The following ZNF385D variants were observed in gnomAD, a reference collection of about 807,000 sequenced individuals.
ZNF385D encodes zinc finger protein 385D.
Under a neutral mutation model 35.8 loss-of-function variants are expected in ZNF385D, and 15 were observed. The observed-to-expected ratio is 0.42, with a 90% CI of 0.28 to 0.64. The LOEUF is 0.64. Ranked by LOEUF, ZNF385D falls within the 30% of genes least tolerant of loss-of-function variation. The probability of loss-of-function intolerance (pLI) is 0.23; values close to 1 mark genes in which losing one functional copy is unlikely to be tolerated. For synonymous variants in ZNF385D, 212 were observed against 186.8 expected, an observed-to-expected ratio of 1.13 and a Z score of -1.10; for missense variants, 474 against 494.6, an observed-to-expected ratio of 0.96 and a Z score of 0.39.
At chr3:21,753,420 G>T (rs1427982709), upstream of ZNF385D, among the ~76,000 whole-genome samples, 1 of 152,126 alleles carries the variant, frequency 6.6e-6, no homozygotes, top group East Asian at 1.9e-4. Context: ...AAATACATCA[G>T]CAGGGAGCAT....
intron 4 of ZNF385D, among the ~76,000 whole-genome samples, chr3:21,459,169 C>T (rs1165182103): frequency 2.6e-5 from 4 of 152,122 alleles, no homozygotes; most frequent in Non-Finnish European, 4.4e-5. Flanking sequence ...TATTTAAGTG[C>T]TTTTGGGCTA....
intron 3 of ZNF385D, among the ~76,000 whole-genome samples, chr3:22,159,465 A>G (rs1705804870): frequency 6.6e-6 from 1 of 152,048 alleles, no homozygotes; most frequent in South Asian, 2.1e-4. Flanking sequence ...TATCAGGCTC[A>G]GGTTGTAAAA....
chr3:21,659,902 C>G (rs761362626), intron 2 of ZNF385D, among the ~76,000 whole-genome samples: 1 of 152,104 alleles, frequency 6.6e-6, no homozygotes, highest in Non-Finnish European at 1.5e-5. Context: ...ACTTTTGATT[C>G]AGAATCTGTA....
In ZNF385D at chr3:22,268,338, T is replaced by G. The variant is rs560107937; in HGVS notation, c.107-99303A>C. The stretch of plus-strand genomic sequence containing the variant: ...TATAATTGCAATAAATGTACTTTCT[T>G]TTCTTCCATAATGTTTAATTATAAA... On this transcript the variant is annotated intron_variant, in intron 2 of 5. Transcript: ENST00000494108. Among the ~76,000 whole-genome samples, 6 of 152,160 alleles carry G rather than the reference T, an allele frequency of 3.9e-5. 1 individual carries two copies. Among genetic ancestry groups the G allele is most frequent in the African/African-American group, 1.4e-4 (6 of 41,566 alleles).
intron 2 of ZNF385D, among the ~76,000 whole-genome samples, chr3:22,219,843 G>A (rs866945441): frequency 3.9e-5 from 6 of 152,042 alleles, no homozygotes; most frequent in African/African-American, 1.2e-4. Flanking sequence ...AGAATTTTCC[G>A]GTTTCAGAGA....
chr3:22,287,905 TA>T (rs1299956348), intron 2 of ZNF385D, among the ~76,000 whole-genome samples: 12 of 152,066 alleles, frequency 7.9e-5, no homozygotes, highest in African/African-American at 2.9e-4. Flanking sequence ...ATTCAGCTTG[TA>T]AAAATTTTGT....
chr3:21,717,823 T>C (rs1385638265), intron 1 of ZNF385D, among the ~76,000 whole-genome samples: 2 of 152,222 alleles, frequency 1.3e-5, no homozygotes, highest in Non-Finnish European at 2.9e-5. Flanking sequence ...CATGTGGAAC[T>C]GTGAGTCCAT....
chr3:22,210,340 G>A (rs944281410), intron 2 of ZNF385D, among the ~76,000 whole-genome samples: 4 of 151,756 alleles, frequency 2.6e-5, no homozygotes, highest in Non-Finnish European at 5.9e-5. Context: ...TTTGAATGGT[G>A]GTTCTATACT....
In ZNF385D at chr3:22,241,239, G is replaced by T. The variant is rs535821626; in HGVS notation, c.107-72204C>A. Among the ~76,000 whole-genome samples the T allele has an allele frequency of 2.6e-5, 4 of 151,248 alleles. 1 individual carries two copies. In the South Asian group the frequency reaches 8.6e-4, roughly 33 times the overall value. On this transcript the variant is annotated intron_variant, in intron 2 of 5. Coordinates refer to the ZNF385D transcript ENST00000494108. ...CTTCTGAAAAACCAAGCACAACACT[G>T]AAAGAAAGCTGAGTATGGTGAGGAA...
intron 3 of ZNF385D, among the ~76,000 whole-genome samples, chr3:21,764,172 G>T (rs995055786): frequency 2.0e-5 from 3 of 152,168 alleles, no homozygotes; most frequent in Admixed American, 6.6e-5. Flanking sequence ...GATAAGGGAA[G>T]AGTATTCTGG....
rs1029638138 is a variant in ZNF385D at position 21,691,156 on chromosome 3, G to A, written c.23-26128C>T. Among the ~76,000 whole-genome samples the A allele has an allele frequency of 5.3e-5, 8 of 151,974 alleles. 1 individual carries two copies. In the East Asian group the frequency reaches 7.7e-4, roughly 15 times the overall value. ...TCCCTCAACTCTTTAACTTTTGACCGCAGCTGTCTTGCCAATGCCATACCG... is the reference window on the plus strand; with the variant it reads ...TCCCTCAACTCTTTAACTTTTGACCACAGCTGTCTTGCCAATGCCATACCG... On this transcript the variant is annotated intron_variant, in intron 1 of 7. Coordinates refer to ENST00000281523, the MANE Select transcript of ZNF385D (RefSeq NM_024697.3).
intron 3 of ZNF385D, among the ~76,000 whole-genome samples, chr3:21,806,399 G>A (rs146259269): frequency 0.074 from 11,304 of 151,932 alleles, 567 homozygotes; most frequent in Non-Finnish European, 0.1. Flanking sequence ...TAGAGACGGG[G>A]TTTCACCGTG....
chr3:21,949,438 G>C (rs2931212), intron 3 of ZNF385D, among the ~76,000 whole-genome samples: 148,720 of 152,058 alleles, frequency 0.98, 72,752 homozygotes, highest in East Asian at 1. Context: ...TGGAGTGTAG[G>C]TGTATTTGAA....
chr3:22,079,295 A>G (rs1700622611), intron 3 of ZNF385D, among the ~76,000 whole-genome samples: 2 of 152,032 alleles, frequency 1.3e-5, no homozygotes, highest in African/African-American at 2.4e-5. Context: ...TGCTTTGTAA[A>G]TAAGCCTTCA....
chr3:21,903,131 G>C (rs1360963926), intron 3 of ZNF385D, among the ~76,000 whole-genome samples: 1 of 152,148 alleles, frequency 6.6e-6, no homozygotes, highest in African/African-American at 2.4e-5. Context: ...TTGCGGTCTT[G>C]AGACCAGAAG....
chr3:21,730,251 T>C (rs1250193914), intron 1 of ZNF385D, among the ~76,000 whole-genome samples: 1 of 152,092 alleles, frequency 6.6e-6, no homozygotes, highest in Non-Finnish European at 1.5e-5. Context: ...AAGCCTGCCA[T>C]CTAAAAACAC....
chr3:22,026,446 C>T (rs760581347), intron 3 of ZNF385D, among the ~76,000 whole-genome samples: 45 of 152,292 alleles, frequency 3.0e-4, no homozygotes, highest in Non-Finnish European at 4.0e-4. Flanking sequence ...GACTACTGGA[C>T]GCTGGCTCTG....
At chr3:22,072,733 C>G (rs1700286889) in intron 3 of ZNF385D, among the ~76,000 whole-genome samples, 1 of 149,730 alleles carries the variant, frequency 6.7e-6, no homozygotes, top group Non-Finnish European at 1.5e-5. Flanking sequence ...TAAAGTCAGA[C>G]AAGGAAGAAA....
intron 2 of ZNF385D, among the ~76,000 whole-genome samples, chr3:22,369,566 T>C (rs1195378226): frequency 6.6e-6 from 1 of 152,176 alleles, no homozygotes; most frequent in Non-Finnish European, 1.5e-5. Context: ...TGAAACATAG[T>C]AAATTATCGT....
Sources: gnomAD v4.1 joint callset for allele counts (sites outside exome capture counted in the v4.1 genomes callset) on GRCh38, gnomAD v4.1.1 for gene constraint, MANE v1.5 for transcripts, NCBI Gene and HGNC (gene_info 2026-07-23, HGNC 2026-07-21) for gene names.